The following CRAMP1 variants were observed in gnomAD, a reference collection of about 807,000 sequenced individuals.
The protein encoded by CRAMP1 is protein cramped-like.
In CRAMP1, 50 loss-of-function variants were observed where a neutral mutation model predicts 115.4. The observed-to-expected ratio is 0.43, with a 90% CI of 0.35 to 0.55. CRAMP1 has a LOEUF of 0.55. CRAMP1 is among the 20% of genes least tolerant of loss of function. The pLI is 0.01. For missense variants in CRAMP1, 1,679 were observed against 1,721.7 expected, an observed-to-expected ratio of 0.98 and a Z score of 0.44; for synonymous variants, 866 against 745.4, an observed-to-expected ratio of 1.16 and a Z score of -2.64.
intron 13 of CRAMP1, among the ~76,000 whole-genome samples, chr16:1,663,985 C>G (rs751255299): frequency 6.6e-6 from 1 of 152,184 alleles, no homozygotes; most frequent in Non-Finnish European, 1.5e-5. Flanking sequence ...GTGTGTCAAT[C>G]TCTGCTACAA....
At chr16:1,629,186 C>T (rs2036529415) in intron 3 of CRAMP1, among the ~76,000 whole-genome samples, 1 of 152,184 alleles carries the variant, frequency 6.6e-6, no homozygotes, top group South Asian at 2.1e-4. Flanking sequence ...TCCTGTGCTT[C>T]CTTCTCCCTC....
intron 6 of CRAMP1, among the ~76,000 whole-genome samples, chr16:1,648,714 C>G (rs2036697252): frequency 6.6e-6 from 1 of 152,012 alleles, no homozygotes; most frequent in African/African-American, 2.4e-5. Context: ...GTTCATAAAA[C>G]TGCTGTGGCA....
intron 6 of CRAMP1, among the ~76,000 whole-genome samples, chr16:1,642,052 C>T (rs911849568): frequency 3.9e-5 from 6 of 152,200 alleles, no homozygotes; most frequent in African/African-American, 1.4e-4. Flanking sequence ...AGAGCTATCC[C>T]GGCAGCCTGG....
At chr16:1,626,463 A>ACTGAG (rs2036509228) in intron 3 of CRAMP1, among the ~76,000 whole-genome samples, 1 of 151,690 alleles carries the variant, frequency 6.6e-6, no homozygotes, top group Non-Finnish European at 1.5e-5. Flanking sequence ...GATGTTCTTG[A>ACTGAG]CTGAAGGCCC....
intron 8 of CRAMP1, 121 bp from the exon 9 acceptor site, chr16:1,655,098 G>A: frequency 1.3e-6 from 1 of 784,614 alleles, no homozygotes; most frequent in Admixed American, 2.2e-5. Context: ...GCTCCCGGGT[G>A]CCTCTCCAGA....
chr16:1,659,310 G>A (rs1191418834), intron 10 of CRAMP1, among the ~76,000 whole-genome samples: 4 of 152,204 alleles, frequency 2.6e-5, no homozygotes, highest in African/African-American at 7.2e-5. Context: ...CCCGTAGCAC[G>A]TGGAAAGGTA....
At chr16:1,659,167 A>G (rs890028457) in intron 10 of CRAMP1, among the ~76,000 whole-genome samples, 3 of 152,174 alleles carry the variant, frequency 2.0e-5, no homozygotes, top group Non-Finnish European at 2.9e-5. Flanking sequence ...ACTCACAAGC[A>G]GAGAGGCTGC....
intron 3 of CRAMP1, among the ~76,000 whole-genome samples, chr16:1,628,235 G>A (rs2036522050): frequency 6.6e-6 from 1 of 152,180 alleles, no homozygotes; most frequent in Non-Finnish European, 1.5e-5. Flanking sequence ...GAGAAAGAGC[G>A]AGGGCAAGAG....
Position 1,614,918 on chromosome 16 carries a change from GC to G in CRAMP1, c.282del (p.Arg95GlyfsTer52). 1 of 1,301,856 alleles carries G rather than the reference GC, an allele frequency of 7.7e-7. No individual in the cohort carries two copies. The allele number at this position is 1,301,856 out of a possible 1,614,324, so 80.6% of individuals were successfully genotyped here. On this transcript the variant is annotated frameshift_variant, in exon 2 of 21. Transcript: ENST00000397412. LOFTEE classifies it high-confidence loss of function. The surrounding 1 kb of genome is among the most constrained non-coding windows in gnomAD (Gnocchi z 4.4). ...RSSVRPQSKR[P>X]RKDPPSAVGS... is the part of the protein sequence containing the mutation. Reference sequence around the variant, plus strand: ...CCAGCGTGCGGCCGCAGAGCAAGAGGCCCAGGAAGGATCCTCCGAGCGCTGT... The same window carrying G: ...CCAGCGTGCGGCCGCAGAGCAAGAGGCCAGGAAGGATCCTCCGAGCGCTGT...
chr16:1,668,909 C>T, intron 18 of CRAMP1, 92 bp from the exon 19 acceptor site: 1 of 1,239,332 alleles, frequency 8.1e-7, no homozygotes, highest in Non-Finnish European at 1.2e-6. Context: ...AGCCCTGCGG[C>T]CCTGCTGCCT....
intron 10 of CRAMP1, among the ~76,000 whole-genome samples, chr16:1,658,305 G>A (rs1489686285): frequency 6.6e-6 from 1 of 152,184 alleles, no homozygotes; most frequent in Admixed American, 6.5e-5. Flanking sequence ...GGACACCAGG[G>A]TGAGTAAGCG....
At chr16:1,662,330 A>G (rs1188862292) in intron 11 of CRAMP1, 160 bp from the exon 12 acceptor site, 1 of 618,734 alleles carries the variant, frequency 1.6e-6, no homozygotes, top group Non-Finnish European at 2.9e-6. Context: ...ATAGAAAATC[A>G]GTCTTTATGT....
intron 5 of CRAMP1, among the ~76,000 whole-genome samples, chr16:1,639,932 A>G (rs2036618340): frequency 6.6e-6 from 1 of 152,208 alleles, no homozygotes; most frequent in African/African-American, 2.4e-5. Context: ...TTTGATGAAA[A>G]TAAATGACTT....
chr16:1,638,772 G>T (rs544461467), intron 5 of CRAMP1, among the ~76,000 whole-genome samples: 1 of 151,976 alleles, frequency 6.6e-6, no homozygotes, highest in Non-Finnish European at 1.5e-5. Flanking sequence ...CGGAGCAGTC[G>T]CCCTGTCTGT....
chr16:1,664,202 T>C (rs1362523183), intron 13 of CRAMP1, among the ~76,000 whole-genome samples: 1 of 152,248 alleles, frequency 6.6e-6, no homozygotes, highest in Non-Finnish European at 1.5e-5. Flanking sequence ...TCTGGATTAC[T>C]AGCAGTTTCA....
At chr16:1,638,681 CCT>C (rs2036608150) in intron 5 of CRAMP1, among the ~76,000 whole-genome samples, 1 of 152,112 alleles carries the variant, frequency 6.6e-6, no homozygotes, top group South Asian at 2.1e-4. Flanking sequence ...GGGATCCCCC[CCT>C]CTTCAGTGGG....
chr16:1,665,813 C>T, intron 14 of CRAMP1: 1 of 486,140 alleles, frequency 2.1e-6, no homozygotes, highest in Non-Finnish European at 3.7e-6. Context: ...AGAGCCATTT[C>T]CGCAGGATGA....
rs909855167 is a variant in CRAMP1 at position 1,671,776 on chromosome 16, C to G, written c.3645+967C>G. 6.6e-6 allele frequency among the ~76,000 whole-genome samples: 1 copy of G among 152,190 alleles called. No homozygotes were observed. Among genetic ancestry groups the G allele is most frequent in the Non-Finnish European group, 1.5e-5 (1 of 68,026 alleles). ...AACAGCTGTTTCTCACGGACACCTC[C>G]GCTACCCAGTATCCGAATGTGAATC... is the stretch of plus-strand genomic sequence containing the variant. On this transcript the variant is annotated intron_variant, in intron 20 of 20. Coordinates refer to ENST00000397412, the MANE Select transcript of CRAMP1 (RefSeq NM_020825.4). The surrounding 1 kb of genome is among the most constrained non-coding windows in gnomAD (Gnocchi z 5.0).
At chr16:1,622,145 T>A (rs2036470285) in intron 2 of CRAMP1, among the ~76,000 whole-genome samples, 1 of 152,224 alleles carries the variant, frequency 6.6e-6, no homozygotes, top group Non-Finnish European at 1.5e-5. Flanking sequence ...CACTTCTGCA[T>A]CTGAAATTTT....
Sources: gnomAD v4.1 joint callset for allele counts (sites outside exome capture counted in the v4.1 genomes callset) on GRCh38, gnomAD v4.1.1 for gene constraint, Gnocchi (gnomAD v3.1) non-coding constraint, MANE v1.5 for transcripts, NCBI Gene and HGNC (gene_info 2026-07-23, HGNC 2026-07-21) for gene names.